Variants in ITPK1 observed in about 807,000 individuals in gnomAD.
The protein encoded by ITPK1 is inositol-tetrakisphosphate 1-kinase.
In ITPK1, 21 loss-of-function variants were observed where a neutral mutation model predicts 45.3. The observed-to-expected ratio is 0.46, with a 90% CI of 0.33 to 0.67. ITPK1 has a LOEUF of 0.67. Among genes scored for constraint, ITPK1 ranks in the 30% least tolerant of loss-of-function variants. ITPK1 has a pLI of 0.02. For missense variants in ITPK1, 474 were observed against 573.5 expected (o/e 0.83, Z 1.77); for synonymous variants, 258 against 253.6 (o/e 1.02, Z -0.16).
chr14:93,097,895 A>C (rs1304233987), intron 2 of ITPK1, among the ~76,000 whole-genome samples: 5 of 151,738 alleles, frequency 3.3e-5, no homozygotes, highest in African/African-American at 1.2e-4. Context: ...TGTAATCCCA[A>C]CTACTCAGGA....
chr14:92,960,655 G>A (rs968573405), intron 7 of ITPK1, among the ~76,000 whole-genome samples: 2 of 152,216 alleles, frequency 1.3e-5, no homozygotes, highest in Admixed American at 6.5e-5. Flanking sequence ...ATCTACTCAC[G>A]TTAATAACTA....
Position 92,968,792 on chromosome 14 carries a change from C to G in ITPK1, c.365-5943G>C, listed in dbSNP as rs565315210. On this transcript the variant is annotated intron_variant, in intron 5 of 10. Transcript: ENST00000267615. Reference sequence around the variant, plus strand: ...AGCTTGCTGACCACACTCTGAGCGGCAGACACACCGGCTGCCTGGACCACT... The same window carrying G: ...AGCTTGCTGACCACACTCTGAGCGGGAGACACACCGGCTGCCTGGACCACT... 7.9e-5 allele frequency among the ~76,000 whole-genome samples: 12 copies of G among 152,296 alleles called. No homozygotes were observed. The South Asian group carries it at 2.5e-3, about 32-fold the overall frequency.
chr14:92,991,217 C>T (rs1325813647), intron 5 of ITPK1, among the ~76,000 whole-genome samples: 2 of 152,068 alleles, frequency 1.3e-5, no homozygotes, highest in African/African-American at 4.8e-5. Flanking sequence ...GGTGTGCTTC[C>T]CAGGAAGGCT....
rs1019087021 is a variant in ITPK1 at position 93,101,586 on chromosome 14, C to T, written c.95+13483G>A. Among the ~76,000 whole-genome samples, 53 of 152,334 alleles carry T rather than the reference C, an allele frequency of 3.5e-4. 1 individual carries two copies. The highest frequency in any genetic ancestry group is 8.2e-4 in the African/African-American group (34 of 41,576). The stretch of plus-strand genomic sequence containing the variant: ...AGCCGAGGCCGGGCACGGTGGTTCA[C>T]GCCTGTAATGCCAGCACTTTGGGAA... On this transcript the variant is annotated intron_variant, in intron 2 of 10. Transcript: ENST00000267615.
intron 8 of ITPK1, among the ~76,000 whole-genome samples, chr14:92,957,924 G>A (rs1446345203): frequency 6.6e-6 from 1 of 152,224 alleles, no homozygotes; most frequent in African/African-American, 2.4e-5. Flanking sequence ...TCCCCCAGAA[G>A]CATGCTGGGG....
intron 5 of ITPK1, among the ~76,000 whole-genome samples, chr14:92,963,587 C>G (rs1323644395): frequency 6.6e-6 from 1 of 152,224 alleles, no homozygotes; most frequent in Non-Finnish European, 1.5e-5. Flanking sequence ...GGTCCCCCTG[C>G]CAATTCCTCC....
In ITPK1 at chr14:93,097,329, C is replaced by T. The variant is rs546203517; in HGVS notation, c.95+17740G>A. ...GGCCAACAAACTGTAGAGACACAAA[C>T]GGGCCTCCAGAGGCCTTGGAAACAT... is the stretch of plus-strand genomic sequence containing the variant. On this transcript the variant is annotated intron_variant, in intron 2 of 10. Coordinates refer to ENST00000267615, the MANE Select transcript of ITPK1 (RefSeq NM_014216.6). 7.9e-5 allele frequency among the ~76,000 whole-genome samples: 12 copies of T among 152,250 alleles called. No individual in the cohort carries two copies. In the East Asian group the frequency reaches 1.5e-3, roughly 20 times the overall value.
At chr14:92,966,374 G>T (rs1885358957) in intron 5 of ITPK1, among the ~76,000 whole-genome samples, 1 of 152,012 alleles carries the variant, frequency 6.6e-6, no homozygotes. Flanking sequence ...GCATCAAAAA[G>T]AAATAAATTT....
intron 7 of ITPK1, among the ~76,000 whole-genome samples, chr14:92,960,856 A>G (rs1156836959): frequency 6.6e-6 from 1 of 152,226 alleles, no homozygotes; most frequent in Non-Finnish European, 1.5e-5. Context: ...TGCCAGCACC[A>G]GGCACAGAGC....
chr14:92,940,993 T>C lies in ITPK1; in HGVS notation c.*568A>G, dbSNP rs1345678510. ...CTCCCCTGAGGGGTCTGTGGCCTCC[T>C]CTGGCTGTGGGGAGGGAGGGGTTAG... On this transcript the variant is annotated 3_prime_UTR_variant, in exon 11 of 11. Coordinates refer to ENST00000267615, the MANE Select transcript of ITPK1 (RefSeq NM_014216.6). 1 of 1,272,834 alleles carries C rather than the reference T, an allele frequency of 7.9e-7. No individual in the cohort carries two copies. Among genetic ancestry groups the C allele is most frequent in the African/African-American group, 1.5e-5 (1 of 65,492 alleles). The allele number at this position is 1,272,834 out of a possible 1,614,324, so 78.8% of individuals were successfully genotyped here.
intron 3 of ITPK1, among the ~76,000 whole-genome samples, chr14:93,022,120 G>A (rs768447687): frequency 1.3e-5 from 2 of 152,150 alleles, no homozygotes; most frequent in Admixed American, 6.5e-5. Flanking sequence ...CTTAAGAATA[G>A]GACTGACCCT....
chr14:93,003,339 T>C (rs1451162694), intron 4 of ITPK1, among the ~76,000 whole-genome samples: 1 of 152,218 alleles, frequency 6.6e-6, no homozygotes, highest in African/African-American at 2.4e-5. Flanking sequence ...AACCAACCCC[T>C]GTTGATTAAC....
At chr14:93,105,185 C>T (rs1892472499) in intron 2 of ITPK1, among the ~76,000 whole-genome samples, 1 of 152,150 alleles carries the variant, frequency 6.6e-6, no homozygotes, top group African/African-American at 2.4e-5. Flanking sequence ...GTGAACGGTG[C>T]CAGACTGGAG....
intron 3 of ITPK1, among the ~76,000 whole-genome samples, chr14:93,062,958 CATCAA>C: frequency 6.6e-6 from 1 of 152,332 alleles, no homozygotes; most frequent in Admixed American, 6.5e-5. Flanking sequence ...CAGGAAAACT[CATCAA>C]GTCCTGCCCT....
intron 5 of ITPK1, among the ~76,000 whole-genome samples, chr14:92,984,252 T>G (rs1886381509): frequency 6.6e-6 from 1 of 152,166 alleles, no homozygotes; most frequent in African/African-American, 2.4e-5. Flanking sequence ...AGAACAGACC[T>G]GTGCAGGGCC....
rs1889085034 is a variant in ITPK1, at chr14:93,032,005, T to C, written c.121-15204A>G. Among the ~76,000 whole-genome samples, 1 of 152,210 alleles carries C rather than the reference T, an allele frequency of 6.6e-6. No individual in the cohort carries two copies. The highest frequency in any genetic ancestry group is 2.1e-4 in the South Asian group (1 of 4,826). On this transcript the variant is annotated intron_variant, in intron 3 of 10. Transcript: ENST00000267615. This position sits in a 1 kb window ranked among gnomAD's most constrained non-coding sequence, Gnocchi z 4.0. ...TCTTTCTATATTCATTGCTTTCCAA[T>C]CCGAAGAGAGCATTCCTTGAGGCAG...
intron 3 of ITPK1, among the ~76,000 whole-genome samples, chr14:93,024,036 A>G (rs1487002134): frequency 6.6e-6 from 1 of 152,158 alleles, no homozygotes; most frequent in Non-Finnish European, 1.5e-5. Context: ...AGTACGAATC[A>G]CAGGCTAGCA....
At chr14:93,095,188 T>C (rs551921754) in intron 2 of ITPK1, among the ~76,000 whole-genome samples, 1 of 152,146 alleles carries the variant, frequency 6.6e-6, no homozygotes, top group South Asian at 2.1e-4. Flanking sequence ...ACCACCTACA[T>C]ACCACCACCA....
chr14:92,982,228 C>T (rs1470738012), intron 5 of ITPK1, among the ~76,000 whole-genome samples: 1 of 152,204 alleles, frequency 6.6e-6, no homozygotes, highest in Non-Finnish European at 1.5e-5. Flanking sequence ...CCGGGCAACA[C>T]CCTGCATGAT....
Sources: gnomAD v4.1 joint callset for allele counts (sites outside exome capture counted in the v4.1 genomes callset) on GRCh38, gnomAD v4.1.1 for gene constraint, Gnocchi (gnomAD v3.1) non-coding constraint, MANE v1.5 for transcripts, NCBI Gene and HGNC (gene_info 2026-07-23, HGNC 2026-07-21) for gene names.